NMBR: variants seen among roughly 807,000 people sequenced by gnomAD.
The protein encoded by NMBR is neuromedin-B receptor.
NMBR carries 16 observed loss-of-function variants against 20.5 expected under a neutral mutation model. The observed-to-expected ratio is 0.78, with a 90% confidence interval of 0.53 to 1.19. The LOEUF (loss-of-function observed/expected upper bound fraction) is 1.19, where lower values mean the gene tolerates loss of function less well. NMBR is among the 50% of genes most tolerant of loss of function. The pLI is 0.00. For synonymous variants in NMBR, 212 were observed against 196.6 expected, an observed-to-expected ratio of 1.08 and a Z score of -0.65; for missense variants, 582 against 499.1, an observed-to-expected ratio of 1.17 and a Z score of -1.58.
intron 1 of NMBR, among the ~76,000 whole-genome samples, chr6:142,116,876 T>C (rs1777864981): frequency 6.6e-6 from 1 of 152,032 alleles, no homozygotes; most frequent in African/African-American, 2.4e-5. Flanking sequence ...GCATAATTGC[T>C]TTTTACCAAT....
At position 142,112,988 on chromosome 6, in the gene NMBR, C is replaced by A. The variant is rs1050255814; in HGVS notation, c.-663-23667G>T. ...ATACAAAATAATTTATGTGAAAAAT[C>A]CTTGGGAACCACAAAACATTAAAAA... On this transcript the variant is annotated intron_variant, in intron 1 of 3. Transcript: ENST00000258042. 2.0e-5 allele frequency among the ~76,000 whole-genome samples: 3 copies of A among 151,910 alleles called. No homozygotes were observed. In the East Asian group the frequency reaches 5.8e-4, roughly 29 times the overall value.
chr6:142,137,210 C>T (rs1348585586), intron 1 of NMBR, among the ~76,000 whole-genome samples: 7 of 152,176 alleles, frequency 4.6e-5, no homozygotes, highest in African/African-American at 7.2e-5. Flanking sequence ...AGGTCCTTCA[C>T]GTCCCTTGTA....
intron 2 of NMBR, among the ~76,000 whole-genome samples, chr6:142,084,014 T>C (rs1777154440): frequency 6.6e-6 from 1 of 152,148 alleles, no homozygotes; most frequent in African/African-American, 2.4e-5. Flanking sequence ...GCAAGGGCTA[T>C]GGAGCAAAAA....
At chr6:142,146,610 G>GA (rs755877141) in intron 1 of NMBR, among the ~76,000 whole-genome samples, 52 of 145,398 alleles carry the variant, frequency 3.6e-4, no homozygotes, top group Middle Eastern at 3.6e-3. Flanking sequence ...TCACTCTCCA[G>GA]AAAAAAAAAA....
In NMBR at chr6:142,078,801, T is replaced by C. The variant is rs1372541409; in HGVS notation, c.525A>G (p.Ala175=). ...CTTCTGAAAACACCGCTTCGGGAAC[T>C]GCCAGCAACACGGAGACCACCCAGA... ...MGIWVVSVLL[A]VPEAVFSEVA... is the part of the protein sequence containing the mutation. The change falls in exon 3 of 4, where the codon GCA becomes GCG. Residue 175 remains alanine, a synonymous_variant. Transcript: ENST00000258042. 1 of 1,613,890 alleles carries C rather than the reference T, an allele frequency of 6.2e-7. No individual in the cohort carries two copies. The highest frequency in any genetic ancestry group is 1.1e-5 in the South Asian group (1 of 91,056).
intron 1 of NMBR, among the ~76,000 whole-genome samples, chr6:142,143,056 G>C (rs984112740): frequency 3.3e-5 from 5 of 152,092 alleles, no homozygotes; most frequent in African/African-American, 1.2e-4. Context: ...CTGCCCTCTA[G>C]CCTGGGGGAC....
At chr6:142,097,838 T>C (rs941957900) in intron 1 of NMBR, among the ~76,000 whole-genome samples, 33 of 151,988 alleles carry the variant, frequency 2.2e-4, no homozygotes, top group African/African-American at 7.7e-4. Context: ...AGTTGCATAT[T>C]AAGGAGAGAC....
In NMBR at chr6:142,145,055, G is replaced by A. The variant is rs6914025; in HGVS notation, c.-664+1989C>T. On this transcript the variant is annotated intron_variant, in intron 1 of 3. Coordinates refer to ENST00000258042, the MANE Select transcript of NMBR (RefSeq NM_002511.4). ...AAAAAAAAAAGAAAGAAAAAAAGAA[G>A]GAAGGAAGGAGAAAAGAAAGAAAAG... Among the ~76,000 whole-genome samples the A allele has an allele frequency of 4.1e-3, 609 of 149,418 alleles. 9 individuals carry two copies. The highest frequency in any genetic ancestry group is 0.013 in the African/African-American group (547 of 40,678).
intron 2 of NMBR, among the ~76,000 whole-genome samples, chr6:142,083,714 C>T (rs550616102): frequency 6.6e-6 from 1 of 152,144 alleles, no homozygotes; most frequent in Non-Finnish European, 1.5e-5. Flanking sequence ...CATGTGAAGA[C>T]ATGCTTGCTT....
chr6:142,084,888 G>A (rs1777170812), intron 2 of NMBR, among the ~76,000 whole-genome samples: 1 of 152,118 alleles, frequency 6.6e-6, no homozygotes, highest in East Asian at 1.9e-4. Context: ...CACGGGGGGA[G>A]GTGAGAATAT....
At chr6:142,141,910 A>G (rs952599557) in intron 1 of NMBR, among the ~76,000 whole-genome samples, 1 of 152,228 alleles carries the variant, frequency 6.6e-6, no homozygotes, top group Non-Finnish European at 1.5e-5. Context: ...GAGAAAATCA[A>G]TTAAACCAAA....
intron 1 of NMBR, among the ~76,000 whole-genome samples, chr6:142,099,041 G>C (rs1777510971): frequency 6.6e-6 from 1 of 152,150 alleles, no homozygotes; most frequent in South Asian, 2.1e-4. Flanking sequence ...AGGAACCAAA[G>C]GGTAAACATT....
intron 1 of NMBR, chr6:142,133,234 T>A (rs956867579): frequency 7.9e-6 from 5 of 629,914 alleles, no homozygotes; most frequent in Non-Finnish European, 1.4e-5. Context: ...ATTGTATGAG[T>A]CTTTTCTGAG....
chr6:142,081,197 C>T (rs1383299287), intron 2 of NMBR, among the ~76,000 whole-genome samples: 2 of 152,010 alleles, frequency 1.3e-5, no homozygotes, highest in Non-Finnish European at 2.9e-5. Flanking sequence ...CATGTGGGCC[C>T]CACTCTCATG....
At chr6:142,116,579 T>C (rs1325199101) in intron 1 of NMBR, among the ~76,000 whole-genome samples, 1 of 152,078 alleles carries the variant, frequency 6.6e-6, no homozygotes, top group East Asian at 1.9e-4. Context: ...ATCTGTGATA[T>C]CATTTGATTC....
intron 1 of NMBR, among the ~76,000 whole-genome samples, chr6:142,094,222 G>T (rs1223601830): frequency 6.6e-6 from 1 of 151,982 alleles, no homozygotes; most frequent in Non-Finnish European, 1.5e-5. Context: ...TGAAGTCCTT[G>T]CCCATGCCTA....
intron 1 of NMBR, among the ~76,000 whole-genome samples, chr6:142,133,688 C>T (rs979327676): frequency 6.6e-6 from 1 of 152,154 alleles, no homozygotes; most frequent in African/African-American, 2.4e-5. Flanking sequence ...TGAGAAATCT[C>T]ATAATGCAGG....
chr6:142,099,963 G>T (rs898217702), intron 1 of NMBR, among the ~76,000 whole-genome samples: 1 of 152,060 alleles, frequency 6.6e-6, no homozygotes, highest in Admixed American at 6.6e-5. Flanking sequence ...CATATAAAAA[G>T]TTGCTTACAT....
At chr6:142,115,792 A>G (rs894619740) in intron 1 of NMBR, among the ~76,000 whole-genome samples, 4 of 152,094 alleles carry the variant, frequency 2.6e-5, no homozygotes, top group Admixed American at 6.6e-5. Context: ...GGAATTTGAT[A>G]TAGTTGTGAA....
Sources: gnomAD v4.1 joint callset for allele counts (sites outside exome capture counted in the v4.1 genomes callset) on GRCh38, gnomAD v4.1.1 for gene constraint, MANE v1.5 for transcripts, NCBI Gene and HGNC (gene_info 2026-07-23, HGNC 2026-07-21) for gene names.